Variants in SYNE2 observed in about 807,000 individuals in gnomAD.
The protein encoded by SYNE2 is nesprin-2.
Under a neutral mutation model 856.3 loss-of-function variants are expected in SYNE2, and 431 were observed. The observed-to-expected ratio is 0.50, with a 90% confidence interval of 0.47 to 0.55. The LOEUF (loss-of-function observed/expected upper bound fraction) is 0.55, where lower values mean the gene tolerates loss of function less well. Ranked by LOEUF, SYNE2 falls within the 20% of genes least tolerant of loss-of-function variation. SYNE2 has a pLI of 0.00. For synonymous variants in SYNE2, 2,923 were observed against 2,872.3 expected, an observed-to-expected ratio of 1.02 and a Z score of -0.56; for missense variants, 8,129 against 8,023.2, an observed-to-expected ratio of 1.01 and a Z score of -0.50.
At chr14:64,059,797 T>C (rs887920689) in intron 49 of SYNE2, among the ~76,000 whole-genome samples, 7 of 152,202 alleles carry the variant, frequency 4.6e-5, no homozygotes, top group African/African-American at 1.7e-4. Flanking sequence ...AGTTCAGATA[T>C]GCTGTCTGGG....
At position 64,030,999 on chromosome 14, in the gene SYNE2, C is replaced by T; in HGVS notation, c.6880-17C>T. 6.3e-7 allele frequency: 1 copy of T among 1,585,202 alleles called. No homozygotes were observed. The highest frequency in any genetic ancestry group is 8.7e-7 in the Non-Finnish European group (1 of 1,154,542). Reference sequence around the variant, plus strand: ...GGCAATTGAATGGAGATATAACAATCTTTTCTCCACTCGTAGGAACTAGAG... The same window carrying T: ...GGCAATTGAATGGAGATATAACAATTTTTTCTCCACTCGTAGGAACTAGAG... On this transcript the variant is annotated splice_polypyrimidine_tract_variant and intron_variant, in intron 44 of 115. Transcript: ENST00000555002.
chr14:63,904,839 G>A lies in SYNE2; in HGVS notation c.-51-4259G>A, dbSNP rs998188029. The stretch of plus-strand genomic sequence containing the variant: ...TCCCATTTGTCAATTTTTGTTTTTT[G>A]TTGCTTTTGCTTTTGGAGACTTAGC... On this transcript the variant is annotated intron_variant, in intron 1 of 115. Coordinates refer to ENST00000555002, the MANE Select transcript of SYNE2 (RefSeq NM_182914.3). 4.6e-5 allele frequency among the ~76,000 whole-genome samples: 7 copies of A among 152,048 alleles called. No homozygotes were observed. In the East Asian group the frequency reaches 1.2e-3, roughly 25 times the overall value.
At position 64,219,235 on chromosome 14, in the gene SYNE2, A is replaced by C. The variant is rs752116495; in HGVS notation, c.19685A>C (p.Gln6562Pro). 6.2e-7 allele frequency: 1 copy of C among 1,613,700 alleles called. No homozygotes were observed. Among genetic ancestry groups the C allele is most frequent in the African/African-American group, 1.3e-5 (1 of 74,876 alleles). ...GCCTTCGACAGATGGGAGATGATTC[A>C]AGCACAGGAGCTTCACAATAAGCTC... Reference protein sequence around the residue: ...SGAFDRWEMIQAQELHNKLKI... With the variant: ...SGAFDRWEMIPAQELHNKLKI... Residue 6562 changes from glutamine to proline, a missense_variant, in exon 110 of 116, where the codon CAA becomes CCA. Physicochemically the swap from Gln to Pro is moderately conservative, Grantham distance 76. Coordinates refer to ENST00000555002, the MANE Select transcript of SYNE2 (RefSeq NM_182914.3).
intron 99 of SYNE2, chr14:64,202,273 T>C: frequency 1.4e-6 from 1 of 702,366 alleles, no homozygotes; most frequent in Non-Finnish European, 2.6e-6. Context: ...GCGGTAGGGC[T>C]TGGCACATGT....
chr14:63,815,345 T>C (rs11849093), intron 1 of SYNE2, among the ~76,000 whole-genome samples: 92,268 of 146,286 alleles, frequency 0.63, 29,860 homozygotes, highest in South Asian at 0.75. Context: ...GAAGCCAGTC[T>C]GAGTTCCAAA....
chr14:64,111,123 T>G (rs1047779045), intron 65 of SYNE2, among the ~76,000 whole-genome samples: 1 of 151,098 alleles, frequency 6.6e-6, no homozygotes, highest in Non-Finnish European at 1.5e-5. Context: ...CCCAGCACTT[T>G]GAGAGGCCGA....
At chr14:63,963,142 G>C (rs1232349603) in intron 9 of SYNE2, among the ~76,000 whole-genome samples, 4 of 152,148 alleles carry the variant, frequency 2.6e-5, no homozygotes, top group African/African-American at 7.2e-5. Flanking sequence ...GATTGTTGCT[G>C]ACTCTGGAAG....
intron 19 of SYNE2, among the ~76,000 whole-genome samples, chr14:63,988,197 C>T (rs1246685742): frequency 3.3e-5 from 5 of 152,178 alleles, no homozygotes; most frequent in Non-Finnish European, 5.9e-5. Flanking sequence ...TCCACTTCAG[C>T]CTCCCAAGTA....
At chr14:63,961,469 A>G in intron 8 of SYNE2, 56 bp from the exon 9 acceptor site, 4 of 1,423,314 alleles carry the variant, frequency 2.8e-6, no homozygotes, top group Non-Finnish European at 3.9e-6. Context: ...CCCATTCTTG[A>G]GTATTCATTA....
chr14:63,976,677 G>GA lies in SYNE2; in HGVS notation c.1244dup (p.Asp415GlufsTer22). ...GGATGAAGATTTGTCAGCCTCCCAGGATCACTCTCAAGCCGTGACTCTGAT... is the reference window on the plus strand; with the variant it reads ...GGATGAAGATTTGTCAGCCTCCCAGGAATCACTCTCAAGCCGTGACTCTGAT... On this transcript the variant is annotated frameshift_variant, in exon 12 of 116. Transcript: ENST00000555002. LOFTEE classifies it high-confidence loss of function. 6.2e-7 allele frequency: 1 copy of GA among 1,611,876 alleles called. No homozygotes were observed. Among genetic ancestry groups the GA allele is most frequent in the African/African-American group, 1.3e-5 (1 of 74,326 alleles).
At chr14:63,847,438 C>A (rs951556421) in intron 1 of SYNE2, among the ~76,000 whole-genome samples, 1 of 151,916 alleles carries the variant, frequency 6.6e-6, no homozygotes, top group Non-Finnish European at 1.5e-5. Flanking sequence ...GCATGAGTGA[C>A]AGCATGAGAC....
intron 1 of SYNE2, among the ~76,000 whole-genome samples, chr14:63,808,179 T>G (rs1019736910): frequency 1.3e-5 from 2 of 151,888 alleles, no homozygotes; most frequent in African/African-American, 4.8e-5. Context: ...TCCCCTGCCT[T>G]GGCCTCCTAA....
chr14:64,133,889 C>G (rs1245424741), intron 77 of SYNE2, among the ~76,000 whole-genome samples, 180 bp from the exon 78 acceptor site: 1 of 152,190 alleles, frequency 6.6e-6, no homozygotes, highest in South Asian at 2.1e-4. Context: ...TGATGGAATT[C>G]TTTTCCATTA....
At chr14:64,168,311 C>T (rs1016410932) in intron 92 of SYNE2, among the ~76,000 whole-genome samples, 8 of 152,172 alleles carry the variant, frequency 5.3e-5, no homozygotes, top group Admixed American at 5.2e-4. Context: ...CCATGTTGGC[C>T]AGGCTGGTCT....
At chr14:63,934,715 G>A (rs1423123395) in intron 2 of SYNE2, among the ~76,000 whole-genome samples, 1 of 151,980 alleles carries the variant, frequency 6.6e-6, no homozygotes, top group African/African-American at 2.4e-5. Context: ...CTCCCCTCAA[G>A]TCAGTGCATA....
intron 48 of SYNE2, among the ~76,000 whole-genome samples, chr14:64,054,388 T>C (rs2097252509): frequency 6.6e-6 from 1 of 152,202 alleles, no homozygotes; most frequent in Admixed American, 6.5e-5. Flanking sequence ...AAATTTCATG[T>C]TGAATTTTTA....
At chr14:63,986,652 T>TG in intron 19 of SYNE2, 35 bp downstream of exon 19, 1 of 1,602,760 alleles carries the variant, frequency 6.2e-7, no homozygotes, top group Non-Finnish European at 8.5e-7. Flanking sequence ...GGTACTTTCA[T>TG]GGTTGTGCAT....
intron 8 of SYNE2, among the ~76,000 whole-genome samples, chr14:63,956,639 T>A (rs769019582): frequency 6.6e-6 from 1 of 152,146 alleles, no homozygotes; most frequent in Admixed American, 6.5e-5. Flanking sequence ...CTGCCCTTCA[T>A]GTCTGGGTTC....
chr14:64,044,169 C>T (rs537994223), intron 45 of SYNE2, among the ~76,000 whole-genome samples: 1 of 152,284 alleles, frequency 6.6e-6, no homozygotes, highest in African/African-American at 2.4e-5. Flanking sequence ...GCAGAGCTGC[C>T]CAAGACCGTG....
Sources: gnomAD v4.1 joint callset for allele counts (sites outside exome capture counted in the v4.1 genomes callset) on GRCh38, gnomAD v4.1.1 for gene constraint, MANE v1.5 for transcripts, NCBI Gene and HGNC (gene_info 2026-07-23, HGNC 2026-07-21) for gene names.